COL5A1: variants seen among roughly 807,000 people sequenced by gnomAD.
COL5A1 encodes the protein collagen alpha-1(V) chain.
A neutral mutation model predicts 263.7 loss-of-function variants in COL5A1; 16 were observed. The observed-to-expected ratio is 0.06, with a 90% CI of 0.04 to 0.09. COL5A1 has a LOEUF of 0.09. Among genes scored for constraint, COL5A1 ranks in the 10% least tolerant of loss-of-function variants. The pLI is 1.00. For synonymous variants in COL5A1, 1,012 were observed against 1,004.5 expected (o/e 1.01, Z -0.14); for missense variants, 2,036 against 2,540.5 (o/e 0.80, Z 4.27).
chr9:134,712,447 A>C (rs1290281224), intron 4 of COL5A1, among the ~76,000 whole-genome samples: 55 of 37,114 alleles, frequency 1.5e-3, no homozygotes, highest in Admixed American at 2.7e-3. Flanking sequence ...CCTCCTTCTT[A>C]TTCTCCCTCC....
At chr9:134,838,181 G>A (rs1396384697) in intron 65 of COL5A1, among the ~76,000 whole-genome samples, 1 of 152,154 alleles carries the variant, frequency 6.6e-6, no homozygotes, top group African/African-American at 2.4e-5. Context: ...AGGCCCGACG[G>A]CTCTCTGATG....
chr9:134,735,222 A>AC (rs1835054382), intron 9 of COL5A1, among the ~76,000 whole-genome samples: 1 of 152,022 alleles, frequency 6.6e-6, no homozygotes, highest in East Asian at 1.9e-4. Context: ...AAAAAAAAAA[A>AC]AAATTGTGTG....
chr9:134,674,282 G>A (rs539635168), intron 1 of COL5A1, among the ~76,000 whole-genome samples: 9 of 152,282 alleles, frequency 5.9e-5, no homozygotes, highest in African/African-American at 1.4e-4. Flanking sequence ...CACCTGGTAC[G>A]GGGACAAACA....
rs578211760 is a variant in COL5A1 at position 134,729,426 on chromosome 9, G to A, written c.924+619G>A. On this transcript the variant is annotated intron_variant, in intron 6 of 65. Coordinates refer to ENST00000371817, the MANE Select transcript of COL5A1 (RefSeq NM_000093.5). ...CAGAGGTAAAGAGGGTGGGGTGTGAGCATGGGCGGTGTGTGTGTGTGCATG... is the reference window on the plus strand; with the variant it reads ...CAGAGGTAAAGAGGGTGGGGTGTGAACATGGGCGGTGTGTGTGTGTGCATG... Among the ~76,000 whole-genome samples, 3 of 152,338 alleles carry A rather than the reference G, an allele frequency of 2.0e-5. No homozygotes were observed. The South Asian group carries it at 6.2e-4, about 32-fold the overall frequency.
chr9:134,752,309 C>T (rs1269773209), intron 13 of COL5A1, among the ~76,000 whole-genome samples: 1 of 150,108 alleles, frequency 6.7e-6, no homozygotes, highest in Non-Finnish European at 1.5e-5. Flanking sequence ...GCTAGAGAGA[C>T]AGGAAGGAGG....
rs114654444 is a variant in COL5A1 at position 134,724,522 on chromosome 9, C to G, written c.655-2744C>G. ...GCGCAGTGGTTGTGATGCTCCCACC[C>G]GCTCCATCCAAGTCTCAGTGCCTGT... On this transcript the variant is annotated intron_variant, in intron 4 of 65. Transcript: ENST00000371817. 3.0e-3 allele frequency among the ~76,000 whole-genome samples: 463 copies of G among 152,318 alleles called. 1 individual carries two copies. Among genetic ancestry groups the G allele is most frequent in the African/African-American group, 0.011 (451 of 41,566 alleles).
rs765929345 is a variant in COL5A1, at chr9:134,699,955, C to T, written c.324C>T (p.Ala108=). 14 of 1,613,886 alleles carry T rather than the reference C, an allele frequency of 8.7e-6. No individual in the cohort carries two copies. The highest frequency in any genetic ancestry group is 8.3e-5 in the Admixed American group (5 of 60,016). ...EDFSILTTVK[A]KKGSQAFLVS... ...TCTCCATCCTAACAACTGTGAAAGC[C>T]AAGAAAGGCAGCCAGGCCTTCCTGG... Residue 108 remains alanine (A), a synonymous_variant, in exon 3 of 66, where the codon GCC becomes GCT. Transcript: ENST00000371817.
chr9:134,756,451 G>A (rs796624872), intron 16 of COL5A1, among the ~76,000 whole-genome samples: 8 of 152,326 alleles, frequency 5.3e-5, no homozygotes, highest in Admixed American at 1.3e-4. Flanking sequence ...TCCTCCAGCC[G>A]GGTCTCCTCT....
chr9:134,659,488 G>A (rs1443824788), intron 1 of COL5A1, among the ~76,000 whole-genome samples: 1 of 152,184 alleles, frequency 6.6e-6, no homozygotes, highest in African/African-American at 2.4e-5. Context: ...CAGGCCTTCC[G>A]AGAGTGCCAA....
At chr9:134,829,572 G>A (rs1370995916) in intron 63 of COL5A1, among the ~76,000 whole-genome samples, 78 of 128,354 alleles carry the variant, frequency 6.1e-4, no homozygotes, top group African/African-American at 2.1e-3. Flanking sequence ...GGCCCAGGCC[G>A]GGCTCCTCAC....
At chr9:134,692,848 G>A (rs904643140) in intron 2 of COL5A1, among the ~76,000 whole-genome samples, 10 of 152,152 alleles carry the variant, frequency 6.6e-5, no homozygotes, top group South Asian at 2.1e-4. Context: ...TGAGGCAGGC[G>A]GATCACTTAA....
At chr9:134,812,960 A>G (rs1838595316) in intron 48 of COL5A1, among the ~76,000 whole-genome samples, 1 of 151,706 alleles carries the variant, frequency 6.6e-6, no homozygotes, top group Non-Finnish European at 1.5e-5. Flanking sequence ...GGAACTGGGA[A>G]CTCTGACTGT....
chr9:134,763,233 A>G (rs922805840), intron 19 of COL5A1, among the ~76,000 whole-genome samples: 1 of 152,220 alleles, frequency 6.6e-6, no homozygotes, highest in Non-Finnish European at 1.5e-5. Context: ...GCAGTGAGCC[A>G]GGGAGGCATT....
intron 18 of COL5A1, among the ~76,000 whole-genome samples, chr9:134,761,249 C>G (rs1408843313): frequency 1.3e-5 from 2 of 150,380 alleles, no homozygotes; most frequent in Admixed American, 1.3e-4. Flanking sequence ...CCCACACACT[C>G]CACCCACACA....
At chr9:134,705,112 A>T (rs1249232375) in intron 4 of COL5A1, among the ~76,000 whole-genome samples, 3 of 152,226 alleles carry the variant, frequency 2.0e-5, no homozygotes, top group Non-Finnish European at 4.4e-5. Flanking sequence ...CTGAACAAGG[A>T]TTCACCAAAC....
intron 65 of COL5A1, among the ~76,000 whole-genome samples, chr9:134,839,788 C>T (rs1291387835): frequency 6.6e-6 from 1 of 152,200 alleles, no homozygotes; most frequent in Non-Finnish European, 1.5e-5. Flanking sequence ...TGGATGGCCA[C>T]CTCTCATTGA....
intron 1 of COL5A1, among the ~76,000 whole-genome samples, chr9:134,665,091 C>T (rs549404397): frequency 4.9e-4 from 74 of 152,024 alleles, no homozygotes; most frequent in African/African-American, 1.7e-3. Context: ...CCCAGCTGCT[C>T]AGGAGGCTGA....
At chr9:134,740,639 G>A (rs1399706534) in intron 11 of COL5A1, among the ~76,000 whole-genome samples, 1 of 152,196 alleles carries the variant, frequency 6.6e-6, no homozygotes, top group Non-Finnish European at 1.5e-5. Context: ...CTGCAGGGCT[G>A]GGCACTGCTC....
intron 1 of COL5A1, among the ~76,000 whole-genome samples, chr9:134,665,140 A>C (rs1832319383): frequency 6.6e-6 from 1 of 152,208 alleles, no homozygotes. Flanking sequence ...CGGAGGTTGC[A>C]GTGAGCCGAG....
Sources: gnomAD v4.1 joint callset for allele counts (sites outside exome capture counted in the v4.1 genomes callset) on GRCh38, gnomAD v4.1.1 for gene constraint, MANE v1.5 for transcripts, NCBI Gene and HGNC (gene_info 2026-07-23, HGNC 2026-07-21) for gene names.